Variants in PIK3CD observed in about 807,000 individuals in gnomAD.
The protein encoded by PIK3CD is phosphatidylinositol-4,5-bisphosphate 3-kinase catalytic subunit delta, also known as phosphatidylinositol 4,5-bisphosphate 3-kinase catalytic subunit delta isoform.
In PIK3CD, 20 loss-of-function variants were observed where a neutral mutation model predicts 122.9. The ratio of observed to expected loss-of-function variants is 0.16; its 90% CI spans 0.11 to 0.24. PIK3CD has a LOEUF of 0.24. Ranked by LOEUF, PIK3CD falls within the 10% of genes least tolerant of loss-of-function variation. The probability of loss-of-function intolerance (pLI) is 1.00; values close to 1 mark genes in which losing one functional copy is unlikely to be tolerated. For missense variants in PIK3CD, 787 were observed against 1,406.3 expected (o/e 0.56, Z 7.04); for synonymous variants, 596 against 593.4 (o/e 1.00, Z -0.06).
intron 1 of PIK3CD, chr1:9,654,495 C>G (rs1449985965): frequency 4.6e-6 from 2 of 436,092 alleles, no homozygotes; most frequent in African/African-American, 9.1e-5. Flanking sequence ...AAAGCCAGCC[C>G]GCTTTCGCAC....
chr1:9,672,428 A>T (rs527463957), intron 1 of PIK3CD: 4 of 151,202 alleles, frequency 2.6e-5, no homozygotes, highest in African/African-American at 9.7e-5. Context: ...TGCCGAGATT[A>T]TTTATTTATT....
In PIK3CD at chr1:9,708,500, G is replaced by C. The variant is rs929412736; in HGVS notation, c.-32-1924G>C. Among the ~76,000 whole-genome samples the C allele has an allele frequency of 2.6e-5, 4 of 151,992 alleles. 1 individual carries two copies. The South Asian group carries it at 6.2e-4, about 24-fold the overall frequency. On this transcript the variant is annotated intron_variant, in intron 2 of 23. Transcript: ENST00000377346. ...CTGACCATGCGCAGATTTAAAGCAC[G>C]CACTAGTACCAGGAATTGGATGTGG... is the stretch of plus-strand genomic sequence containing the variant.
At chr1:9,634,911 A>C in the PIK3CD span, among the ~76,000 whole-genome samples, 9 of 152,210 alleles carry the variant, frequency 5.9e-5, no homozygotes, top group Non-Finnish European at 1.5e-5. Flanking sequence ...CCAGAAACTC[A>C]GAATGTGATC....
rs1051650913 is a variant in PIK3CD, at chr1:9,717,317, G to A, written c.930+209G>A. Among the ~76,000 whole-genome samples the A allele has an allele frequency of 7.9e-5, 12 of 152,184 alleles. No homozygotes were observed. The highest frequency in any genetic ancestry group is 2.7e-4 in the African/African-American group (11 of 41,446). On this transcript the variant is annotated intron_variant, in intron 7 of 23. Coordinates refer to ENST00000377346, the MANE Select transcript of PIK3CD (RefSeq NM_005026.5). This position sits in a 1 kb window ranked among gnomAD's most constrained non-coding sequence, Gnocchi z 5.4. ...GGGGCAGCCCCATGCCTGGCTCACC[G>A]GCTGCCCTTCCCCTCTGCAGAGCTC...
Position 9,728,942 on chromosome 1 carries a change from T to TTATG in PIK3CD, c.*1898_*1901dup, listed in dbSNP as rs1650135511. ...AAAGAAAAAGCCTTTTTATGTTCTT[T>TTATG]TATGTTCTCGGCTCAAAAAGAAACA... On this transcript the variant is annotated 3_prime_UTR_variant, in exon 24 of 24. Transcript: ENST00000377346. 2.6e-5 allele frequency: 4 copies of TTATG among 152,334 alleles called. No individual in the cohort carries two copies. Among genetic ancestry groups the TTATG allele is most frequent in the Admixed American group, 2.6e-4 (4 of 15,302 alleles). The allele number at this position is 152,334 out of a possible 1,614,324, so 9.4% of individuals were successfully genotyped here.
chr1:9,723,982 C>T lies in PIK3CD; in HGVS notation c.2608C>T (p.Arg870Ter), dbSNP rs2100999150. ...TTCCCCACCCAGGGAGGCCCTGGAT[C>T]GAGCCATTGAGGAGTTCACCCTCTC... ...KSKNPGEALD[R>*]AIEEFTLSCA... Residue 870 changes from arginine (R) to a stop codon, truncating the protein, a stop_gained, in exon 21 of 24, where the codon CGA (arginine) becomes TGA (stop). Coordinates refer to ENST00000377346, the MANE Select transcript of PIK3CD (RefSeq NM_005026.5). LOFTEE classifies it high-confidence loss of function. This position sits in a 1 kb window ranked among gnomAD's most constrained non-coding sequence, Gnocchi z 4.9. 3 of 1,614,152 alleles carry T rather than the reference C, an allele frequency of 1.9e-6. No individual in the cohort carries two copies. The highest frequency in any genetic ancestry group is 2.5e-6 in the Non-Finnish European group (3 of 1,180,016).
chr1:9,695,733 TTGG>T (rs1553164753), intron 2 of PIK3CD, among the ~76,000 whole-genome samples: 10 of 151,676 alleles, frequency 6.6e-5, no homozygotes, highest in Non-Finnish European at 1.0e-4. Flanking sequence ...TCCCAGCTAC[TTGG>T]GAGGCTGAGG....
At chr1:9,688,416 G>C (rs554014211) in intron 1 of PIK3CD, 216 of 152,368 alleles carry the variant, frequency 1.4e-3, no homozygotes, top group African/African-American at 4.9e-3. Context: ...TGGTGCCAGC[G>C]CTAGCTCTGC....
intron 2 of PIK3CD, among the ~76,000 whole-genome samples, chr1:9,695,703 G>C (rs992507013): frequency 6.6e-6 from 1 of 151,870 alleles, no homozygotes; most frequent in Non-Finnish European, 1.5e-5. Context: ...TTAGCTGGGC[G>C]TGGTGGCATG....
rs1373854559 is a variant in PIK3CD at position 9,700,061 on chromosome 1, A to G, written c.-33+8490A>G. ...TGCAAGCCCCTTTTTATTATATTCC[A>G]GTGCTTTTACTACCTGAAGCATCTT... On this transcript the variant is annotated intron_variant, in intron 2 of 23. Transcript: ENST00000377346. This position sits in a 1 kb window ranked among gnomAD's most constrained non-coding sequence, Gnocchi z 5.1. Among the ~76,000 whole-genome samples, 1 of 152,126 alleles carries G rather than the reference A, an allele frequency of 6.6e-6. No individual in the cohort carries two copies. The highest frequency in any genetic ancestry group is 2.4e-5 in the African/African-American group (1 of 41,422).
intron 3 of PIK3CD, among the ~76,000 whole-genome samples, chr1:9,711,183 T>C (rs1230066859): frequency 6.6e-6 from 1 of 152,032 alleles, no homozygotes; most frequent in Non-Finnish European, 1.5e-5. Context: ...AACCTCTGCC[T>C]CCCAGGCTCA....
chr1:9,693,576 G>T (rs1268030243), intron 2 of PIK3CD, among the ~76,000 whole-genome samples: 1 of 151,738 alleles, frequency 6.6e-6, no homozygotes, highest in Non-Finnish European at 1.5e-5. Context: ...TTATTAGTAA[G>T]TATTATTATA....
the PIK3CD span, among the ~76,000 whole-genome samples, chr1:9,638,281 C>T: frequency 2.6e-5 from 4 of 152,176 alleles, no homozygotes; most frequent in South Asian, 8.3e-4. Context: ...TAGATTGCCA[C>T]AGACCATCAC....
At chr1:9,698,479 T>C (rs1646503957) in intron 2 of PIK3CD, among the ~76,000 whole-genome samples, 1 of 152,260 alleles carries the variant, frequency 6.6e-6, no homozygotes, top group Non-Finnish European at 1.5e-5. Flanking sequence ...AACAAGCATA[T>C]GTCACAGTGA....
intron 1 of PIK3CD, among the ~76,000 whole-genome samples, chr1:9,675,916 C>T (rs952702980): frequency 8.6e-5 from 13 of 150,710 alleles, no homozygotes; most frequent in Non-Finnish European, 1.0e-4. Flanking sequence ...CTGTGTGCAC[C>T]GCCACACCAA....
At chr1:9,627,503 C>CGTCAGTGGGAGCAT in the PIK3CD span, among the ~76,000 whole-genome samples, 2 of 152,226 alleles carry the variant, frequency 1.3e-5, no homozygotes, top group African/African-American at 4.8e-5. Flanking sequence ...ACTTCGCGCC[C>CGTCAGTGGGAGCAT]GTCAGTGGGA....
At chr1:9,648,352 G>C (rs1204274886), upstream of PIK3CD, among the ~76,000 whole-genome samples, 1 of 152,190 alleles carries the variant, frequency 6.6e-6, no homozygotes, top group African/African-American at 2.4e-5. Context: ...TTGAATTGCT[G>C]TCAGCAAATA....
intron 1 of PIK3CD, among the ~76,000 whole-genome samples, chr1:9,664,026 TTTC>T (rs1238218295): frequency 6.6e-6 from 1 of 150,594 alleles, no homozygotes; most frequent in African/African-American, 2.4e-5. Context: ...GTTTTCTTTC[TTTC>T]TTTTTCTTTT....
At chr1:9,639,325 G>C in the PIK3CD span, among the ~76,000 whole-genome samples, 2 of 152,092 alleles carry the variant, frequency 1.3e-5, no homozygotes, top group African/African-American at 4.8e-5. Context: ...TATCTAGAGA[G>C]ATAGAGGCTT....
Sources: gnomAD v4.1 joint callset for allele counts (sites outside exome capture counted in the v4.1 genomes callset) on GRCh38, gnomAD v4.1.1 for gene constraint, Gnocchi (gnomAD v3.1) non-coding constraint, MANE v1.5 for transcripts, NCBI Gene and HGNC (gene_info 2026-07-23, HGNC 2026-07-21) for gene names.